STK32C: variants seen among roughly 807,000 people sequenced by gnomAD.
The protein encoded by STK32C is serine/threonine kinase 32C.
Under a neutral mutation model 56.5 loss-of-function variants are expected in STK32C, and 31 were observed. The ratio of observed to expected loss-of-function variants is 0.55; its 90% CI spans 0.41 to 0.74. The LOEUF (loss-of-function observed/expected upper bound fraction) is 0.74, where lower values mean the gene tolerates loss of function less well. Ranked by LOEUF, STK32C falls within the 30% of genes least tolerant of loss-of-function variation. The pLI, the probability that STK32C is intolerant of heterozygous loss-of-function variation, is 0.00. For synonymous variants in STK32C, 309 were observed against 289.4 expected (o/e 1.07, Z -0.69); for missense variants, 544 against 676.9 (o/e 0.80, Z 2.18).
chr10:132,304,237 C>T (rs2065992863), intron 1 of STK32C, among the ~76,000 whole-genome samples: 1 of 152,118 alleles, frequency 6.6e-6, no homozygotes, highest in Non-Finnish European at 1.5e-5. Context: ...CTCAGGGGAG[C>T]ACTGCAGAGT....
chr10:132,244,981 C>T lies in STK32C; in HGVS notation c.318+919G>A, dbSNP rs2063634307. 2.0e-5 allele frequency among the ~76,000 whole-genome samples: 3 copies of T among 152,234 alleles called. No individual in the cohort carries two copies. In the South Asian group the frequency reaches 6.2e-4, roughly 31 times the overall value. ...GCACTCTCTTCTTGGTGCACGGGAGCTTTCTCAATGCACTGCGCAAAGGGG... is the reference window on the plus strand; with the variant it reads ...GCACTCTCTTCTTGGTGCACGGGAGTTTTCTCAATGCACTGCGCAAAGGGG... On this transcript the variant is annotated intron_variant, in intron 2 of 11. Coordinates refer to ENST00000298630, the MANE Select transcript of STK32C (RefSeq NM_173575.4).
intron 1 of STK32C, among the ~76,000 whole-genome samples, chr10:132,285,325 G>C (rs1407816324): frequency 1.3e-5 from 2 of 152,202 alleles, no homozygotes; most frequent in African/African-American, 4.8e-5. Flanking sequence ...ACAATTAACA[G>C]ATGGAAACAC....
At chr10:132,282,929 A>AGGGGT (rs2065260547) in intron 1 of STK32C, among the ~76,000 whole-genome samples, 1 of 152,206 alleles carries the variant, frequency 6.6e-6, no homozygotes, top group Non-Finnish European at 1.5e-5. Context: ...ATTTCCTGTC[A>AGGGGT]CAGCCCCTCT....
At chr10:132,284,768 C>T (rs2065340776) in intron 1 of STK32C, among the ~76,000 whole-genome samples, 1 of 148,512 alleles carries the variant, frequency 6.7e-6, no homozygotes, top group Non-Finnish European at 1.5e-5. Flanking sequence ...GAACACATTC[C>T]CACGTCTGCC....
intron 2 of STK32C, among the ~76,000 whole-genome samples, chr10:132,243,314 C>T (rs2063569030): frequency 6.6e-6 from 1 of 152,226 alleles, no homozygotes; most frequent in Non-Finnish European, 1.5e-5. Context: ...TCAGACACCG[C>T]AGCCTCTGGA....
intron 1 of STK32C, among the ~76,000 whole-genome samples, chr10:132,293,713 G>C (rs543621016): frequency 6.6e-6 from 1 of 152,154 alleles, no homozygotes; most frequent in South Asian, 2.1e-4. Context: ...AGCCAGGCAC[G>C]TGGTGAGCCT....
At chr10:132,244,479 G>C (rs774744382) in intron 2 of STK32C, among the ~76,000 whole-genome samples, 1 of 152,208 alleles carries the variant, frequency 6.6e-6, no homozygotes, top group Non-Finnish European at 1.5e-5. Flanking sequence ...GGGGGCAACA[G>C]GGGCAATGGG....
chr10:132,274,260 C>A (rs914187045), intron 1 of STK32C, among the ~76,000 whole-genome samples: 1 of 152,176 alleles, frequency 6.6e-6, no homozygotes, highest in Admixed American at 6.5e-5. Flanking sequence ...CCAACAGCTG[C>A]GCCCGGATTC....
chr10:132,235,549 T>C (rs1380787599), intron 2 of STK32C, among the ~76,000 whole-genome samples: 1 of 122,252 alleles, frequency 8.2e-6, no homozygotes, highest in Non-Finnish European at 1.8e-5. Flanking sequence ...AAATATGAAC[T>C]AAAATCTTTT....
intron 1 of STK32C, among the ~76,000 whole-genome samples, chr10:132,248,633 G>C (rs2063774060): frequency 6.6e-6 from 1 of 152,266 alleles, no homozygotes; most frequent in Non-Finnish European, 1.5e-5. Context: ...CTGAGGACGA[G>C]GGTGGTGGTC....
At chr10:132,264,698 C>T (rs1289213488) in intron 1 of STK32C, among the ~76,000 whole-genome samples, 2 of 152,102 alleles carry the variant, frequency 1.3e-5, no homozygotes, top group East Asian at 1.9e-4. Flanking sequence ...TAGTGGGGCT[C>T]GCATGGGGCA....
At position 132,225,261 on chromosome 10, in the gene STK32C, AC is replaced by A. The variant is rs1186420402; in HGVS notation, c.847del (p.Val283Ter). 1.2e-6 allele frequency: 2 copies of A among 1,608,392 alleles called. No individual in the cohort carries two copies. The stretch of plus-strand genomic sequence containing the variant: ...TCCTCGCAGCAGCTCATAGGCCATC[AC>A]CCCCACCGACCACCAGTCCACCTCG... ...SFEVDWWSVG[V>X]MAYELLRGWR... On this transcript the variant is annotated frameshift_variant, in exon 7 of 12. Transcript: ENST00000298630. LOFTEE classifies it high-confidence loss of function.
At chr10:132,209,262 G>T in intron 10 of STK32C, 161 bp from the exon 11 acceptor site, 1 of 722,050 alleles carries the variant, frequency 1.4e-6, no homozygotes, top group Admixed American at 2.0e-5. Context: ...CAGCCAGACT[G>T]CCCGGGAGCT....
chr10:132,270,276 G>C (rs979337944), intron 1 of STK32C, among the ~76,000 whole-genome samples: 2 of 152,256 alleles, frequency 1.3e-5, no homozygotes, highest in Non-Finnish European at 2.9e-5. Flanking sequence ...TCTTGAGAGG[G>C]TGGGACTCCT....
At chr10:132,209,411 C>T (rs1275300932) in intron 10 of STK32C, 2 of 602,260 alleles carry the variant, frequency 3.3e-6, no homozygotes, top group East Asian at 6.6e-5. Flanking sequence ...TTGCTGGAAA[C>T]CACTCCCTTG....
At chr10:132,234,620 T>C (rs1432278930) in intron 2 of STK32C, among the ~76,000 whole-genome samples, 4 of 152,218 alleles carry the variant, frequency 2.6e-5, no homozygotes, top group African/African-American at 9.7e-5. Flanking sequence ...GGCCCCTTCA[T>C]GCCAGGGCTC....
intron 2 of STK32C, among the ~76,000 whole-genome samples, chr10:132,245,086 G>A (rs1419881276): frequency 1.3e-5 from 2 of 152,190 alleles, no homozygotes; most frequent in South Asian, 4.1e-4. Flanking sequence ...TGAAATGGAG[G>A]TAATTAATCG....
chr10:132,288,737 G>T (rs954096854), intron 1 of STK32C, among the ~76,000 whole-genome samples: 1 of 152,156 alleles, frequency 6.6e-6, no homozygotes, highest in African/African-American at 2.4e-5. Flanking sequence ...ATTACTTGGG[G>T]ATAAATTTAA....
chr10:132,250,013 G>A (rs1207257293), intron 1 of STK32C, among the ~76,000 whole-genome samples: 3 of 152,254 alleles, frequency 2.0e-5, no homozygotes, highest in African/African-American at 7.2e-5. Flanking sequence ...GGGCTTTGAG[G>A]GGAGCAATAT....
Sources: gnomAD v4.1 joint callset for allele counts (sites outside exome capture counted in the v4.1 genomes callset) on GRCh38, gnomAD v4.1.1 for gene constraint, MANE v1.5 for transcripts, NCBI Gene and HGNC (gene_info 2026-07-23, HGNC 2026-07-21) for gene names.